CACNB2: variants seen among roughly 807,000 people sequenced by gnomAD.
The protein encoded by CACNB2 is voltage-dependent L-type calcium channel subunit beta-2.
A neutral mutation model predicts 73.3 loss-of-function variants in CACNB2; 42 were observed. The observed-to-expected ratio is 0.57, with a 90% confidence interval of 0.45 to 0.74. CACNB2 has a LOEUF of 0.74. Among genes scored for constraint, CACNB2 ranks in the 30% least tolerant of loss-of-function variants. CACNB2 has a pLI of 0.00. For synonymous variants in CACNB2, 348 were observed against 310.3 expected, an observed-to-expected ratio of 1.12 and a Z score of -1.28; for missense variants, 940 against 853.0, an observed-to-expected ratio of 1.10 and a Z score of -1.27.
chr10:18,507,326 A>C (rs1348100072), intron 6 of CACNB2, among the ~76,000 whole-genome samples: 8 of 152,336 alleles, frequency 5.3e-5, no homozygotes, highest in Non-Finnish European at 1.0e-4. Flanking sequence ...GAAGTATAGA[A>C]AAAAGATGAA....
chr10:18,237,563 C>T (rs1405059686), intron 2 of CACNB2, among the ~76,000 whole-genome samples: 2 of 152,168 alleles, frequency 1.3e-5, no homozygotes, highest in African/African-American at 4.8e-5. Context: ...TGTCTAGCCT[C>T]CAGAACTGGA....
intron 2 of CACNB2, among the ~76,000 whole-genome samples, chr10:18,174,305 TTCCC>T (rs879483153): frequency 1.1e-4 from 15 of 134,176 alleles, no homozygotes; most frequent in East Asian, 5.2e-4. Context: ...CCTTCCTTCC[TTCCC>T]TCCCTCCCTC....
chr10:18,516,683 A>G lies in CACNB2; in HGVS notation c.805-1653A>G, dbSNP rs767721755. ...TTCTTATGTTATTGATAATGTGGTT[A>G]ACATCAATGTAGAATTCAAAAACAA... On this transcript the variant is annotated intron_variant, in intron 7 of 13. Transcript: ENST00000324631. Among the ~76,000 whole-genome samples the G allele has an allele frequency of 2.2e-4, 34 of 152,252 alleles. 1 individual carries two copies. The highest frequency in any genetic ancestry group is 1.1e-3 in the Admixed American group (17 of 15,284).
intron 1 of CACNB2, chr10:18,141,140 G>A: frequency 7.3e-7 from 1 of 1,376,064 alleles, no homozygotes; most frequent in Non-Finnish European, 9.6e-7. Flanking sequence ...GCTCCAGCTG[G>A]CCCTCCTCGC....
rs111584394 is a variant in CACNB2 at position 18,158,683 on chromosome 10, G to GA, written c.213+7717dup. On this transcript the variant is annotated intron_variant, in intron 2 of 13. Transcript: ENST00000324631. Reference sequence around the variant, plus strand: ...TTCTCCTAACTTCATCAAAAGAAAGGAAAAAAAAATCTCTAAGTTTAGTTG... The same window carrying GA: ...TTCTCCTAACTTCATCAAAAGAAAGGAAAAAAAAAATCTCTAAGTTTAGTTG... Among the ~76,000 whole-genome samples the GA allele has an allele frequency of 2.5e-3, 383 of 150,692 alleles. 4 individuals carry two copies. Among genetic ancestry groups the GA allele is most frequent in the African/African-American group, 8.7e-3 (356 of 41,154 alleles).
At chr10:18,322,131 G>A (rs541676638) in intron 2 of CACNB2, among the ~76,000 whole-genome samples, 2 of 152,186 alleles carry the variant, frequency 1.3e-5, no homozygotes, top group South Asian at 4.1e-4. Context: ...ACTCCAGCCT[G>A]GGCAAGAGAG....
intron 3 of CACNB2, among the ~76,000 whole-genome samples, chr10:18,417,722 G>C (rs2045074041): frequency 6.6e-6 from 1 of 152,132 alleles, no homozygotes; most frequent in Non-Finnish European, 1.5e-5. Flanking sequence ...GTTAAATGGA[G>C]ATACAAATGG....
chr10:18,404,712 A>G (rs1479665673), intron 3 of CACNB2, among the ~76,000 whole-genome samples: 2 of 152,162 alleles, frequency 1.3e-5, no homozygotes, highest in African/African-American at 2.4e-5. Context: ...TTATCCACTA[A>G]TTGCCTAATA....
intron 1 of CACNB2, among the ~76,000 whole-genome samples, chr10:18,149,894 C>T (rs563020682): frequency 2.0e-5 from 3 of 152,106 alleles, no homozygotes; most frequent in East Asian, 1.9e-4. Context: ...TACATTATTT[C>T]GTTTCATACT....
At chr10:18,283,030 C>T (rs1353021149) in intron 2 of CACNB2, among the ~76,000 whole-genome samples, 3 of 152,150 alleles carry the variant, frequency 2.0e-5, no homozygotes, top group African/African-American at 7.2e-5. Context: ...AGACACTTCT[C>T]AAAAGAAGAC....
At chr10:18,410,672 C>A (rs1270135027) in intron 3 of CACNB2, among the ~76,000 whole-genome samples, 1 of 151,952 alleles carries the variant, frequency 6.6e-6, no homozygotes, top group Non-Finnish European at 1.5e-5. Flanking sequence ...AACTAGAGGG[C>A]TACTTATGGG....
intron 2 of CACNB2, among the ~76,000 whole-genome samples, chr10:18,318,038 G>A (rs963319804): frequency 9.2e-5 from 14 of 152,100 alleles, no homozygotes; most frequent in African/African-American, 3.4e-4. Flanking sequence ...TCGTGAAAAT[G>A]GCCAAACTGC....
At chr10:18,185,561 G>T (rs972629597) in intron 2 of CACNB2, among the ~76,000 whole-genome samples, 4 of 152,200 alleles carry the variant, frequency 2.6e-5, no homozygotes, top group African/African-American at 9.7e-5. Context: ...TTTGGACACA[G>T]TTTCTAGCAG....
intron 2 of CACNB2, among the ~76,000 whole-genome samples, chr10:18,380,291 AAATT>A (rs2042960848): frequency 6.6e-6 from 1 of 152,160 alleles, no homozygotes; most frequent in Non-Finnish European, 1.5e-5. Flanking sequence ...AAAAAAATAA[AAATT>A]AAAAGGTCTT....
rs540521507 is a variant in CACNB2 at position 18,457,513 on chromosome 10, G to T, written c.334-40842G>T. ...CAATGCCTCCTTTTAAGATGCTGCT[G>T]GGTAATAGTCCTTAGTTTAAATATG... is the stretch of plus-strand genomic sequence containing the variant. On this transcript the variant is annotated intron_variant, in intron 3 of 13. Transcript: ENST00000324631. Among the ~76,000 whole-genome samples the T allele has an allele frequency of 6.6e-5, 10 of 152,306 alleles. No homozygotes were observed. In the South Asian group the frequency reaches 2.1e-3, roughly 32 times the overall value.
At chr10:18,265,034 T>A (rs1372156894) in intron 2 of CACNB2, among the ~76,000 whole-genome samples, 2 of 152,178 alleles carry the variant, frequency 1.3e-5, no homozygotes, top group Non-Finnish European at 2.9e-5. Context: ...CATTTGCATT[T>A]TAGCGTGTCT....
At chr10:18,400,046 A>C (rs1015318187) in intron 2 of CACNB2, among the ~76,000 whole-genome samples, 2 of 152,110 alleles carry the variant, frequency 1.3e-5, no homozygotes, top group African/African-American at 4.8e-5. Context: ...CTTTATTTCA[A>C]ATGGTAGTTT....
At chr10:18,168,599 A>G (rs2033029011) in intron 2 of CACNB2, among the ~76,000 whole-genome samples, 1 of 151,962 alleles carries the variant, frequency 6.6e-6, no homozygotes, top group Admixed American at 6.6e-5. Context: ...TCACACTGCC[A>G]CTTTTTTGTT....
intron 3 of CACNB2, among the ~76,000 whole-genome samples, chr10:18,483,045 C>T (rs896148137): frequency 7.9e-5 from 12 of 152,102 alleles, no homozygotes; most frequent in Admixed American, 2.6e-4. Flanking sequence ...CTAAGCTTTC[C>T]TTCAGAAAGT....
Sources: gnomAD v4.1 joint callset for allele counts (sites outside exome capture counted in the v4.1 genomes callset) on GRCh38, gnomAD v4.1.1 for gene constraint, MANE v1.5 for transcripts, NCBI Gene and HGNC (gene_info 2026-07-23, HGNC 2026-07-21) for gene names.